CPNE8: variants seen among roughly 807,000 people sequenced by gnomAD.
CPNE8 encodes the protein copine 8.
A neutral mutation model predicts 81.5 loss-of-function variants in CPNE8; 45 were observed. That is an observed-to-expected ratio of 0.55 (90% confidence interval 0.44 to 0.71). CPNE8 has a LOEUF of 0.71. Ranked by LOEUF, CPNE8 falls within the 30% of genes least tolerant of loss-of-function variation. CPNE8 has a pLI of 0.00. For synonymous variants in CPNE8, 252 were observed against 226.3 expected, an observed-to-expected ratio of 1.11 and a Z score of -1.02; for missense variants, 594 against 672.1, an observed-to-expected ratio of 0.88 and a Z score of 1.28.
At chr12:38,894,023 G>A (rs1306936282) in intron 1 of CPNE8, among the ~76,000 whole-genome samples, 2 of 152,092 alleles carry the variant, frequency 1.3e-5, no homozygotes, top group Non-Finnish European at 1.5e-5. Flanking sequence ...TTTATTTTAA[G>A]GTCCTGCTTC....
chr12:38,827,294 T>C (rs1943215173), intron 6 of CPNE8, among the ~76,000 whole-genome samples: 1 of 151,360 alleles, frequency 6.6e-6, no homozygotes, highest in African/African-American at 2.4e-5. Context: ...ACAGTCAGAG[T>C]GGCTATTACT....
chr12:38,857,541 G>C (rs1278080196), intron 3 of CPNE8, among the ~76,000 whole-genome samples: 1 of 152,142 alleles, frequency 6.6e-6, no homozygotes, highest in East Asian at 1.9e-4. Flanking sequence ...TTACCACTTG[G>C]GGAAAGTGAG....
rs1485890277 is a variant in CPNE8, at chr12:38,653,472, AG to A, written c.*409del. On this transcript the variant is annotated 3_prime_UTR_variant, in exon 20 of 20. Transcript: ENST00000331366. ...TCTTATTTTTAAGAACAGTTATAAA[AG>A]TATTGAAATTTAAAAAGTAGTAACA... 1 of 154,554 alleles carries A rather than the reference AG, an allele frequency of 6.5e-6. No individual in the cohort carries two copies. The highest frequency in any genetic ancestry group is 2.4e-5 in the African/African-American group (1 of 41,582). The allele number at this position is 154,554 out of a possible 1,614,324, so 9.6% of individuals were successfully genotyped here.
At chr12:38,877,998 T>C (rs1477682872) in intron 1 of CPNE8, among the ~76,000 whole-genome samples, 2 of 152,220 alleles carry the variant, frequency 1.3e-5, no homozygotes, top group Non-Finnish European at 2.9e-5. Context: ...ACCAAGATGG[T>C]GATGAGAGTG....
chr12:38,861,144 A>T (rs1377538934), intron 3 of CPNE8, among the ~76,000 whole-genome samples: 1 of 152,338 alleles, frequency 6.6e-6, no homozygotes, highest in East Asian at 1.9e-4. Flanking sequence ...CAGAAGGACA[A>T]ATACTGTATA....
intron 6 of CPNE8, among the ~76,000 whole-genome samples, chr12:38,813,091 A>C (rs1255861282): frequency 6.6e-6 from 1 of 152,232 alleles, no homozygotes; most frequent in East Asian, 1.9e-4. Flanking sequence ...GCTTGGTCTC[A>C]AGTGCTATCA....
intron 10 of CPNE8, among the ~76,000 whole-genome samples, chr12:38,752,805 A>C (rs1206195705): frequency 6.6e-6 from 1 of 152,226 alleles, no homozygotes; most frequent in Non-Finnish European, 1.5e-5. Context: ...ATTCTAATGG[A>C]GATGAATTTA....
intron 10 of CPNE8, among the ~76,000 whole-genome samples, chr12:38,740,909 T>C (rs974844076): frequency 6.6e-6 from 1 of 152,156 alleles, no homozygotes; most frequent in Non-Finnish European, 1.5e-5. Flanking sequence ...CCTCATAAAA[T>C]GAGTTAGGGA....
chr12:38,872,427 G>T (rs527258287), intron 3 of CPNE8, among the ~76,000 whole-genome samples: 1 of 152,228 alleles, frequency 6.6e-6, no homozygotes, highest in East Asian at 1.9e-4. Flanking sequence ...GGCAACTATA[G>T]GCAGATGGAA....
intron 6 of CPNE8, among the ~76,000 whole-genome samples, chr12:38,806,447 T>C (rs1942805763): frequency 1.3e-5 from 2 of 149,640 alleles, no homozygotes; most frequent in Non-Finnish European, 3.0e-5. Context: ...GCTGGTTCAA[T>C]ATATGCAAAT....
chr12:38,826,924 C>T (rs531208691), intron 6 of CPNE8, among the ~76,000 whole-genome samples: 45 of 150,368 alleles, frequency 3.0e-4, no homozygotes, highest in Non-Finnish European at 5.0e-4. Flanking sequence ...AATCCCAGAA[C>T]TTTGGGAGGC....
At chr12:38,777,731 C>G (rs1486399466) in intron 6 of CPNE8, among the ~76,000 whole-genome samples, 1 of 152,186 alleles carries the variant, frequency 6.6e-6, no homozygotes, top group Admixed American at 6.5e-5. Context: ...AGCCTAGGAA[C>G]AAGAGGTTAT....
At chr12:38,732,847 C>T (rs555072240) in intron 10 of CPNE8, among the ~76,000 whole-genome samples, 2 of 152,006 alleles carry the variant, frequency 1.3e-5, no homozygotes, top group South Asian at 2.1e-4. Flanking sequence ...AATATTAGTC[C>T]TCCTTTCTAA....
chr12:38,734,432 A>T (rs935468060), intron 10 of CPNE8, among the ~76,000 whole-genome samples: 1 of 152,108 alleles, frequency 6.6e-6, no homozygotes, highest in Admixed American at 6.6e-5. Context: ...CCATGTAATT[A>T]CAACAAAGGT....
At chr12:38,827,882 C>G (rs1386294468) in intron 6 of CPNE8, among the ~76,000 whole-genome samples, 1 of 152,066 alleles carries the variant, frequency 6.6e-6, no homozygotes, top group African/African-American at 2.4e-5. Flanking sequence ...ATGCTTATTA[C>G]CTGGGTGATG....
intron 19 of CPNE8, among the ~76,000 whole-genome samples, chr12:38,667,401 C>T (rs375268095): frequency 3.9e-5 from 6 of 152,210 alleles, no homozygotes; most frequent in African/African-American, 1.4e-4. Context: ...ACTGGTAGAA[C>T]CTGGAAAACT....
chr12:38,739,892 A>T (rs1431821561), intron 10 of CPNE8, among the ~76,000 whole-genome samples: 1 of 152,182 alleles, frequency 6.6e-6, no homozygotes, highest in African/African-American at 2.4e-5. Flanking sequence ...TTTGTGCTCT[A>T]AAGTAGATAA....
At chr12:38,783,897 G>T (rs1309462285) in intron 6 of CPNE8, among the ~76,000 whole-genome samples, 2 of 152,032 alleles carry the variant, frequency 1.3e-5, no homozygotes, top group Admixed American at 1.3e-4. Context: ...AAGAAGAATG[G>T]GTACCAACAA....
In CPNE8 at chr12:38,723,783, G is replaced by A; in HGVS notation, c.903C>T (p.Tyr301=). ...LVETEVSFLD[Y]IKGGTQINFT... ...AGAGAATTACTTACCCTCCCTTAAT[G>A]TAGTCAAGGAATGAAACTTCTGTTT... The change falls in exon 13 of 20, where the codon TAC becomes TAT. Residue 301 remains tyrosine, a synonymous_variant. Transcript: ENST00000331366. 6.3e-7 allele frequency: 1 copy of A among 1,581,666 alleles called. No homozygotes were observed. The highest frequency in any genetic ancestry group is 2.2e-5 in the East Asian group (1 of 44,622).
Sources: allele counts gnomAD v4.1 joint callset (sites outside exome capture counted in the v4.1 genomes callset), GRCh38; gene constraint gnomAD v4.1.1; transcripts MANE v1.5; gene names NCBI Gene and HGNC (gene_info 2026-07-23, HGNC 2026-07-21).